NRCAM: variants seen among roughly 807,000 people sequenced by gnomAD.
The protein encoded by NRCAM is NgCAM-related cell adhesion molecule.
A neutral mutation model predicts 156.5 loss-of-function variants in NRCAM; 83 were observed. The ratio of observed to expected loss-of-function variants is 0.53; its 90% CI spans 0.44 to 0.64. The LOEUF (loss-of-function observed/expected upper bound fraction) is 0.64. NRCAM is among the 30% of genes least tolerant of loss of function. The probability of loss-of-function intolerance (pLI) is 0.00; values close to 1 mark genes in which losing one functional copy is unlikely to be tolerated. For missense variants in NRCAM, 1,417 were observed against 1,597.3 expected, an observed-to-expected ratio of 0.89 and a Z score of 1.92; for synonymous variants, 538 against 563.9, an observed-to-expected ratio of 0.95 and a Z score of 0.65.
chr7:108,335,434 C>CTGTTTTT, intron 2 of NRCAM, among the ~76,000 whole-genome samples: 1 of 69,876 alleles, frequency 1.4e-5, no homozygotes, highest in South Asian at 8.1e-4. Flanking sequence ...GTTCCACCTG[C>CTGTTTTT]TTTTTTTTTT....
intron 3 of NRCAM, among the ~76,000 whole-genome samples, chr7:108,258,949 A>G (rs962275541): frequency 6.6e-6 from 1 of 152,240 alleles, no homozygotes; most frequent in African/African-American, 2.4e-5. Flanking sequence ...AACAGCAGCC[A>G]TTAGTCAAAT....
In NRCAM at chr7:108,178,627, T is replaced by C. The variant is rs2061915212; in HGVS notation, c.2852-515A>G. ...CCTGAGAGCTGACAGCTGCCCAGGA[T>C]CTGGTGGTGAATGGACAAAAGCCCA... On this transcript the variant is annotated intron_variant, in intron 25 of 32. Transcript: ENST00000379028. Among the ~76,000 whole-genome samples, 3 of 152,208 alleles carry C rather than the reference T, an allele frequency of 2.0e-5. No homozygotes were observed. The South Asian group carries it at 6.2e-4, about 32-fold the overall frequency.
At chr7:108,290,793 T>C (rs2098265250) in intron 3 of NRCAM, among the ~76,000 whole-genome samples, 1 of 152,198 alleles carries the variant, frequency 6.6e-6, no homozygotes, top group African/African-American at 2.4e-5. Context: ...TGTACTATCA[T>C]TATCTATTCT....
At chr7:108,437,296 G>GT (rs1833386480) in intron 1 of NRCAM, among the ~76,000 whole-genome samples, 1 of 152,164 alleles carries the variant, frequency 6.6e-6, no homozygotes, top group African/African-American at 2.4e-5. Context: ...GGGGAAATGG[G>GT]TAGGGGAGAG....
chr7:108,368,041 G>C (rs982500520), intron 2 of NRCAM, among the ~76,000 whole-genome samples: 4 of 152,050 alleles, frequency 2.6e-5, no homozygotes, highest in Non-Finnish European at 5.9e-5. Flanking sequence ...TATAGAGCTG[G>C]ATGAAAACAC....
At chr7:108,190,410 T>G (rs939869083) in intron 19 of NRCAM, among the ~76,000 whole-genome samples, 1 of 152,192 alleles carries the variant, frequency 6.6e-6, no homozygotes, top group South Asian at 2.1e-4. Flanking sequence ...CCCCCAGGCC[T>G]TTATTTGACC....
chr7:108,274,275 G>C (rs1382272308), intron 3 of NRCAM, among the ~76,000 whole-genome samples: 1 of 152,192 alleles, frequency 6.6e-6, no homozygotes, highest in Non-Finnish European at 1.5e-5. Context: ...ATTCTGTGAA[G>C]AAAGTCAGTG....
At chr7:108,353,855 T>G (rs746392540) in intron 2 of NRCAM, among the ~76,000 whole-genome samples, 3 of 152,272 alleles carry the variant, frequency 2.0e-5, no homozygotes, top group Non-Finnish European at 4.4e-5. Flanking sequence ...AGCAACTTCA[T>G]GAGACCAGGA....
At chr7:108,399,848 T>A (rs939011470) in intron 1 of NRCAM, among the ~76,000 whole-genome samples, 1 of 152,042 alleles carries the variant, frequency 6.6e-6, no homozygotes, top group Non-Finnish European at 1.5e-5. Context: ...AGGACAGAAG[T>A]CTGAATTACC....
At chr7:108,160,290 C>T in intron 31 of NRCAM, 71 bp downstream of exon 31, 3 of 1,415,862 alleles carry the variant, frequency 2.1e-6, no homozygotes, top group Non-Finnish European at 3.0e-6. Flanking sequence ...TACATGATTT[C>T]CCCCATGATC....
chr7:108,255,994 C>G (rs1461130385), intron 3 of NRCAM, among the ~76,000 whole-genome samples: 2 of 70,252 alleles, frequency 2.8e-5, no homozygotes, highest in East Asian at 9.2e-4. Flanking sequence ...CTGCCCCGTC[C>G]GGGAGGGAGG....
chr7:108,367,511 G>A (rs113499919), intron 2 of NRCAM, among the ~76,000 whole-genome samples: 2 of 152,050 alleles, frequency 1.3e-5, no homozygotes, highest in Non-Finnish European at 2.9e-5. Context: ...TTCATTGTTT[G>A]CTCAGTAATA....
chr7:108,207,590 C>G lies in NRCAM; in HGVS notation c.1145G>C (p.Cys382Ser). The change falls in exon 13 of 33, where the codon TGC (cysteine) becomes TCC (serine). Residue 382 changes from cysteine to serine, a missense_variant. Physicochemically the swap from Cys to Ser is moderately radical, Grantham distance 112 (BLOSUM62 -1). This residue lies in a region of NRCAM where 1,238 missense variants were observed against 1,336.4 expected (regional missense o/e 0.93). Coordinates refer to ENST00000379028, the MANE Select transcript of NRCAM (RefSeq NM_001037132.4). The stretch of plus-strand genomic sequence containing the variant: ...GGGTTTGGGGTTGCCATTAGCTCTG[C>G]AGATCAAGGTCCCATCCTCTCCTGG... Reference protein sequence around the residue: ...LSPGEDGTLICRANGNPKPRI... With the variant: ...LSPGEDGTLISRANGNPKPRI... The G allele has an allele frequency of 6.2e-7, 1 of 1,613,892 alleles. No homozygotes were observed. Among genetic ancestry groups the G allele is most frequent in the East Asian group, 2.2e-5 (1 of 44,870 alleles).
rs1191367583 is a variant in NRCAM at position 108,157,895 on chromosome 7, C to T, written c.3677+1568G>A. Among the ~76,000 whole-genome samples, 3 of 152,082 alleles carry T rather than the reference C, an allele frequency of 2.0e-5. No homozygotes were observed. In the South Asian group the frequency reaches 6.2e-4, roughly 31 times the overall value. On this transcript the variant is annotated intron_variant, in intron 32 of 32. Coordinates refer to ENST00000379028, the MANE Select transcript of NRCAM (RefSeq NM_001037132.4). ...GCTTTATTTCCAATTCATGCAAATA[C>T]ATTTTTTTTCAGGGCCACATTAAAG...
rs933278744 is a variant in NRCAM, at chr7:108,326,885, T to C, written c.-173-14154A>G. On this transcript the variant is annotated intron_variant, in intron 2 of 32. Transcript: ENST00000379028. ...GCAGCCCTGAGGGATAAAAACCTTT[T>C]TCAAGGAGAGAAAAGAGGCAATCAT... is the stretch of plus-strand genomic sequence containing the variant. 3.7e-4 allele frequency among the ~76,000 whole-genome samples: 57 copies of C among 152,168 alleles called. 2 individuals carry two copies. Among genetic ancestry groups the C allele is most frequent in the Non-Finnish European group, 1.5e-5 (1 of 68,014 alleles).
rs17155331 is a variant in NRCAM at position 108,248,214 on chromosome 7, C to T, written c.-106-8044G>A. 4.6e-4 allele frequency among the ~76,000 whole-genome samples: 70 copies of T among 152,188 alleles called. 1 individual carries two copies. The East Asian group carries it at 0.012, about 26-fold the overall frequency. ...TATTGATATTCTAAACATGCTATAC[C>T]TTATCCACTTGTCAAGAAAGCAACA... On this transcript the variant is annotated intron_variant, in intron 3 of 32. Coordinates refer to ENST00000379028, the MANE Select transcript of NRCAM (RefSeq NM_001037132.4).
At chr7:108,418,345 C>T (rs768709487) in intron 1 of NRCAM, among the ~76,000 whole-genome samples, 1 of 152,136 alleles carries the variant, frequency 6.6e-6, no homozygotes, top group Non-Finnish European at 1.5e-5. Flanking sequence ...GACAAGTCCA[C>T]TCACAGAATA....
At chr7:108,424,861 T>C (rs1815049660) in intron 1 of NRCAM, among the ~76,000 whole-genome samples, 1 of 152,180 alleles carries the variant, frequency 6.6e-6, no homozygotes, top group Admixed American at 6.5e-5. Context: ...ATACATTACA[T>C]TAGTGTATTC....
At chr7:108,305,268 T>C (rs2098698382) in intron 3 of NRCAM, among the ~76,000 whole-genome samples, 3 of 152,308 alleles carry the variant, frequency 2.0e-5, no homozygotes, top group South Asian at 2.1e-4. Flanking sequence ...ATATCTATAG[T>C]TGGATTCTCA....
Sources: gnomAD v4.1 joint callset for allele counts (sites outside exome capture counted in the v4.1 genomes callset) on GRCh38, gnomAD v4.1.1 for gene constraint, gnomAD v4.1.1 regional missense constraint, MANE v1.5 for transcripts, NCBI Gene and HGNC (gene_info 2026-07-23, HGNC 2026-07-21) for gene names.